ACOX3: variants seen among roughly 807,000 people sequenced by gnomAD.
ACOX3 encodes the protein acyl-CoA oxidase 3, pristanoyl.
ACOX3 carries 73 observed loss-of-function variants against 81.5 expected under a neutral mutation model. The ratio of observed to expected loss-of-function variants is 0.90; its 90% CI spans 0.74 to 1.09. The LOEUF is 1.09. ACOX3 is among the 50% of genes least tolerant of loss of function. The probability of loss-of-function intolerance (pLI) is 0.00; values close to 1 mark genes in which losing one functional copy is unlikely to be tolerated. For missense variants in ACOX3, 947 were observed against 928.0 expected (o/e 1.02, Z -0.27); for synonymous variants, 387 against 375.1 (o/e 1.03, Z -0.37).
In ACOX3 at chr4:8,370,622, G is replaced by C. The variant is rs1168354572; in HGVS notation, c.1983+286C>G. Among the ~76,000 whole-genome samples the C allele has an allele frequency of 2.0e-5, 3 of 151,834 alleles. No homozygotes were observed. The highest frequency in any genetic ancestry group is 2.4e-5 in the African/African-American group (1 of 41,316). ...GTGGGAGGAGGGCAGAGGTCACAGTGTGTGGACCTCCAACCTCTGCCTGTG... is the reference window on the plus strand; with the variant it reads ...GTGGGAGGAGGGCAGAGGTCACAGTCTGTGGACCTCCAACCTCTGCCTGTG... On this transcript the variant is annotated intron_variant, in intron 17 of 17. Transcript: ENST00000356406. This position sits in a 1 kb window ranked among gnomAD's most constrained non-coding sequence, Gnocchi z 6.3.
At position 8,419,510 on chromosome 4, in the gene ACOX3, C is replaced by CT. The variant is rs1722707377; in HGVS notation, c.-14-2976dup. ...TGAGAGGATGTGGAGAAATCAGACT[C>CT]TCATGCCCTTCCAGTGAAAATGTAA... On this transcript the variant is annotated intron_variant, in intron 1 of 17. Coordinates refer to ENST00000356406, the MANE Select transcript of ACOX3 (RefSeq NM_003501.3). The surrounding 1 kb of genome is among the most constrained non-coding windows in gnomAD (Gnocchi z 4.2). Among the ~76,000 whole-genome samples, 1 of 152,116 alleles carries CT rather than the reference C, an allele frequency of 6.6e-6. No individual in the cohort carries two copies. Among genetic ancestry groups the CT allele is most frequent in the African/African-American group, 2.4e-5 (1 of 41,422 alleles).
At chr4:8,417,191 G>A (rs957080493) in intron 1 of ACOX3, among the ~76,000 whole-genome samples, 8 of 152,242 alleles carry the variant, frequency 5.3e-5, no homozygotes, top group Non-Finnish European at 8.8e-5. Flanking sequence ...CAAGTGGCTT[G>A]GCTGATGAAG....
rs554380619 is a variant in ACOX3 at position 8,375,235 on chromosome 4, C to A, written c.1654-83G>T. The stretch of plus-strand genomic sequence containing the variant: ...CGGGGGAGGAAGTTCTCAGGAAACA[C>A]GAACGCGGGTCTGCGTTCCCGTGCA... On this transcript the variant is annotated intron_variant, in intron 14 of 17. Coordinates refer to ENST00000356406, the MANE Select transcript of ACOX3 (RefSeq NM_003501.3). The A allele has an allele frequency of 7.0e-5, 96 of 1,369,144 alleles. 3 individuals carry two copies. In the South Asian group the frequency reaches 1.2e-3, roughly 17 times the overall value. The allele number at this position is 1,369,144 out of a possible 1,614,324, so 84.8% of individuals were successfully genotyped here.
chr4:8,417,432 G>A (rs1330581894), intron 1 of ACOX3, among the ~76,000 whole-genome samples: 1 of 152,194 alleles, frequency 6.6e-6, no homozygotes, highest in Admixed American at 6.5e-5. Context: ...CAGGAATCCT[G>A]CCTTCTATAG....
intron 7 of ACOX3, among the ~76,000 whole-genome samples, chr4:8,401,374 C>A (rs1487174474): frequency 6.6e-6 from 1 of 152,180 alleles, no homozygotes; most frequent in Non-Finnish European, 1.5e-5. Context: ...CACCCGTTTC[C>A]TGCGTGGGCT....
rs1049910224 is a variant in ACOX3, at chr4:8,403,602, G to A, written c.776+2353C>T. 7.9e-5 allele frequency among the ~76,000 whole-genome samples: 12 copies of A among 152,316 alleles called. No homozygotes were observed. In the East Asian group the frequency reaches 2.3e-3, roughly 29 times the overall value. ...CAGCTCTGAACCAGCGTCAAAGGGC[G>A]GTCGTTATTGTGTTAGTGGCGATCC... On this transcript the variant is annotated intron_variant, in intron 7 of 17. Coordinates refer to ENST00000356406, the MANE Select transcript of ACOX3 (RefSeq NM_003501.3).
chr4:8,411,326 C>T (rs1721701388), intron 5 of ACOX3, among the ~76,000 whole-genome samples: 1 of 152,208 alleles, frequency 6.6e-6, no homozygotes, highest in African/African-American at 2.4e-5. Context: ...TACAAAATAA[C>T]GTGCCGGGGA....
chr4:8,438,378 C>G (rs1185253577), intron 1 of ACOX3, among the ~76,000 whole-genome samples: 1 of 152,302 alleles, frequency 6.6e-6, no homozygotes, highest in East Asian at 1.9e-4. Context: ...GAACTGGACA[C>G]TCGAGCAGCT....
intron 1 of ACOX3, among the ~76,000 whole-genome samples, chr4:8,428,105 G>A (rs745326032): frequency 2.0e-5 from 3 of 152,228 alleles, no homozygotes; most frequent in Non-Finnish European, 4.4e-5. Flanking sequence ...CTTCCCTTTC[G>A]TGAACAGCTG....
intron 3 of ACOX3, 100 bp from the exon 4 acceptor site, chr4:8,415,028 G>GCTGGTTCCCTGCCACA (rs1464079357): frequency 2.7e-6 from 3 of 1,093,744 alleles, no homozygotes; most frequent in Middle Eastern, 2.0e-4. Flanking sequence ...CCATGCCCAC[G>GCTGGTTCCCTGCCACA]CTGGTTCCCT....
In ACOX3 at chr4:8,375,129, C is replaced by A. The variant is rs1326481280; in HGVS notation, c.1677G>T (p.Ala559=). The change falls in exon 15 of 18, where the codon GCG becomes GCT. Residue 559 remains alanine, a synonymous_variant. Coordinates refer to ENST00000356406, the MANE Select transcript of ACOX3 (RefSeq NM_003501.3). ...KCQVSHGRPL[A]LAFVELTVVQ... is the part of the protein sequence containing the mutation. Reference sequence around the variant, plus strand: ...CCACCGTGAGCTCCACGAAGGCCAGCGCCAACGGACGGCCGTGGGACACCT... The same window carrying A: ...CCACCGTGAGCTCCACGAAGGCCAGAGCCAACGGACGGCCGTGGGACACCT... 4.5e-6 allele frequency: 7 copies of A among 1,549,356 alleles called. No individual in the cohort carries two copies. The highest frequency in any genetic ancestry group is 2.7e-5 in the African/African-American group (2 of 73,550).
chr4:8,391,031 G>GTGTATATGTATATGTATGTGTATA (rs1718930813), intron 11 of ACOX3, among the ~76,000 whole-genome samples: 5 of 148,224 alleles, frequency 3.4e-5, no homozygotes, highest in African/African-American at 1.2e-4. Flanking sequence ...GTATATGTAT[G>GTGTATATGTATATGTATGTGTATA]TGTATATGTA....
rs1357368375 is a variant in ACOX3 at position 8,428,536 on chromosome 4, T to C, written c.-14-12001A>G. The C allele has an allele frequency of 2.6e-5, 4 of 152,254 alleles. No homozygotes were observed. In the East Asian group the frequency reaches 7.7e-4, roughly 29 times the overall value. 9.4% of individuals were successfully genotyped at this position (152,254 alleles called of 1,614,324 possible). ...CTGACGTCATCGAACCGCGCCACCC[T>C]CGTTGCCCTGGAAACGCGGACGCCG... On this transcript the variant is annotated intron_variant, in intron 1 of 17. Coordinates refer to ENST00000356406, the MANE Select transcript of ACOX3 (RefSeq NM_003501.3).
chr4:8,419,698 C>T lies in ACOX3; in HGVS notation c.-14-3163G>A, dbSNP rs763714655. Among the ~76,000 whole-genome samples, 4 of 152,164 alleles carry T rather than the reference C, an allele frequency of 2.6e-5. No individual in the cohort carries two copies. The highest frequency in any genetic ancestry group is 9.7e-5 in the African/African-American group (4 of 41,440). On this transcript the variant is annotated intron_variant, in intron 1 of 17. Transcript: ENST00000356406. This position sits in a 1 kb window ranked among gnomAD's most constrained non-coding sequence, Gnocchi z 4.2. Reference sequence around the variant, plus strand: ...GCTCCCCGATTCACACCTCCAGACTCGTGAGCTCATTTGGCAGTCAACGGC... The same window carrying T: ...GCTCCCCGATTCACACCTCCAGACTTGTGAGCTCATTTGGCAGTCAACGGC...
chr4:8,356,805 G>A, the ACOX3 span: 5 of 455,644 alleles, frequency 1.1e-5, no homozygotes, highest in South Asian at 7.8e-5. Context: ...TGAGCAGAAT[G>A]GTGCATGCTA....
rs148580092 is a variant in ACOX3, at chr4:8,413,970, C to T, written c.543+322G>A. On this transcript the variant is annotated intron_variant, in intron 5 of 17. Transcript: ENST00000356406. ...GGGCCATGAGAACGGTTTATGAATC[C>T]ACTACGCATAGGCAGCCAGGTAAAC... is the stretch of plus-strand genomic sequence containing the variant. Among the ~76,000 whole-genome samples, 100 of 152,312 alleles carry T rather than the reference C, an allele frequency of 6.6e-4. 2 individuals carry two copies. Among genetic ancestry groups the T allele is most frequent in the Middle Eastern group, 3.4e-3 (1 of 294 alleles).
Position 8,414,661 on chromosome 4 carries a change from T to G in ACOX3, c.453+193A>C, listed in dbSNP as rs1722129934. Among the ~76,000 whole-genome samples the G allele has an allele frequency of 6.6e-6, 1 of 152,196 alleles. No homozygotes were observed. The highest frequency in any genetic ancestry group is 2.4e-5 in the African/African-American group (1 of 41,448). On this transcript the variant is annotated intron_variant, in intron 4 of 17. Coordinates refer to ENST00000356406, the MANE Select transcript of ACOX3 (RefSeq NM_003501.3). The surrounding 1 kb of genome is among the most constrained non-coding windows in gnomAD (Gnocchi z 6.1). ...AAGGCCTCAGTGACAATTCACCTGG[T>G]GCTAGGAAGTCAATGTGCCTGTGTT...
Position 8,405,569 on chromosome 4 carries a change from G to A in ACOX3, c.776+386C>T, listed in dbSNP as rs1366229315. On this transcript the variant is annotated intron_variant, in intron 7 of 17. Coordinates refer to ENST00000356406, the MANE Select transcript of ACOX3 (RefSeq NM_003501.3). The surrounding 1 kb of genome is among the most constrained non-coding windows in gnomAD (Gnocchi z 7.1). Reference sequence around the variant, plus strand: ...CTGGAGGCAGAAACTGCAGATATGGGTCCCTCGAGATCAGCATGGATGTGT... The same window carrying A: ...CTGGAGGCAGAAACTGCAGATATGGATCCCTCGAGATCAGCATGGATGTGT... Among the ~76,000 whole-genome samples, 1 of 152,256 alleles carries A rather than the reference G, an allele frequency of 6.6e-6. No homozygotes were observed. The highest frequency in any genetic ancestry group is 1.5e-5 in the Non-Finnish European group (1 of 68,046).
chr4:8,365,991 G>A (rs1238414982), downstream of ACOX3, among the ~76,000 whole-genome samples: 1 of 152,180 alleles, frequency 6.6e-6, no homozygotes. Flanking sequence ...GGGTCAGGGG[G>A]CACCAGAGTG....
Sources: gnomAD v4.1 joint callset for allele counts (sites outside exome capture counted in the v4.1 genomes callset) on GRCh38, gnomAD v4.1.1 for gene constraint, Gnocchi (gnomAD v3.1) non-coding constraint, MANE v1.5 for transcripts, NCBI Gene and HGNC (gene_info 2026-07-23, HGNC 2026-07-21) for gene names.